Variants in DMRT1 observed in about 807,000 individuals in gnomAD.
DMRT1 encodes the protein doublesex and mab-3 related transcription factor 1, also known as doublesex- and mab-3-related transcription factor 1.
In DMRT1, 7 loss-of-function variants were observed where a neutral mutation model predicts 32.3. That is an observed-to-expected ratio of 0.22 (90% CI 0.12 to 0.41). The LOEUF is 0.41. Ranked by LOEUF, DMRT1 falls within the 10% of genes least tolerant of loss-of-function variation. The pLI is 1.00. For missense variants in DMRT1, 625 were observed against 500.5 expected (o/e 1.25, Z -2.37); for synonymous variants, 278 against 206.1 (o/e 1.35, Z -2.99).
At chr9:906,377 A>G (rs1817778880) in intron 3 of DMRT1, among the ~76,000 whole-genome samples, 1 of 152,238 alleles carries the variant, frequency 6.6e-6, no homozygotes, top group African/African-American at 2.4e-5. Context: ...ATTTATGCTA[A>G]AAGTATCCTA....
intron 2 of DMRT1, among the ~76,000 whole-genome samples, chr9:867,960 A>C (rs1343545554): frequency 6.6e-6 from 1 of 152,202 alleles, no homozygotes; most frequent in Non-Finnish European, 1.5e-5. Flanking sequence ...TGATATGTAC[A>C]ATCTCACTTA....
intron 4 of DMRT1, among the ~76,000 whole-genome samples, chr9:939,005 T>C (rs10977646): frequency 0.09 from 13,755 of 152,340 alleles, 986 homozygotes; most frequent in African/African-American, 0.2. Flanking sequence ...AGTGATCTTG[T>C]AACCCACCCC....
intron 4 of DMRT1, among the ~76,000 whole-genome samples, chr9:947,832 A>G (rs1819297629): frequency 6.6e-6 from 1 of 152,116 alleles, no homozygotes; most frequent in African/African-American, 2.4e-5. Flanking sequence ...TTATTGTACT[A>G]CTAACCATTT....
At chr9:897,278 A>T (rs546674861) in intron 3 of DMRT1, among the ~76,000 whole-genome samples, 110 of 149,682 alleles carry the variant, frequency 7.3e-4, no homozygotes, top group African/African-American at 2.3e-3. Context: ...ACGCGTGGCT[A>T]TTTTTTTTTC....
rs188455352 is a variant in DMRT1 at position 960,880 on chromosome 9, G to A, written c.968-7105G>A. On this transcript the variant is annotated intron_variant, in intron 4 of 4. Transcript: ENST00000382276. ...CAGGTGTAGACAAGGGAAGTGGAGT[G>A]GGGGAGCAGTGCTGAGAAGTGACGC... 1.7e-3 allele frequency among the ~76,000 whole-genome samples: 265 copies of A among 152,300 alleles called. 1 individual carries two copies. The highest frequency in any genetic ancestry group is 6.2e-3 in the African/African-American group (258 of 41,572).
At chr9:916,722 C>T (rs745444841) in intron 3 of DMRT1, 41 bp from the exon 4 acceptor site, 35 of 1,609,624 alleles carry the variant, frequency 2.2e-5, no homozygotes, top group Non-Finnish European at 2.8e-5. Flanking sequence ...TTGTGACATG[C>T]AATGTTGATC....
In DMRT1 at chr9:915,392, G is replaced by A. The variant is rs116366490; in HGVS notation, c.823-1371G>A. ...CTTCTTAGCTTTGAATGAGAATCAGGAAGCCACAGGGAATGAACTGCTTCT... is the reference window on the plus strand; with the variant it reads ...CTTCTTAGCTTTGAATGAGAATCAGAAAGCCACAGGGAATGAACTGCTTCT... On this transcript the variant is annotated intron_variant, in intron 3 of 4. Coordinates refer to ENST00000382276, the MANE Select transcript of DMRT1 (RefSeq NM_021951.3). Among the ~76,000 whole-genome samples the A allele has an allele frequency of 9.4e-3, 1,432 of 152,308 alleles. 22 individuals carry two copies. Among genetic ancestry groups the A allele is most frequent in the African/African-American group, 0.033 (1,380 of 41,566 alleles).
intron 4 of DMRT1, among the ~76,000 whole-genome samples, chr9:932,635 C>CAACTTCA (rs1025416773): frequency 7.2e-5 from 11 of 152,070 alleles, no homozygotes; most frequent in Non-Finnish European, 1.6e-4. Context: ...GCCCAGATGC[C>CAACTTCA]ACAGGTTAAG....
intron 4 of DMRT1, among the ~76,000 whole-genome samples, chr9:940,895 C>G (rs758024643): frequency 2.0e-5 from 3 of 152,206 alleles, no homozygotes; most frequent in Non-Finnish European, 4.4e-5. Context: ...ACAGACATTT[C>G]TCCAAAGAAG....
intron 4 of DMRT1, among the ~76,000 whole-genome samples, chr9:929,248 G>T (rs1026352120): frequency 6.6e-6 from 1 of 152,072 alleles, no homozygotes; most frequent in Non-Finnish European, 1.5e-5. Context: ...AGTGAACAAA[G>T]GATTGCAGTA....
intron 2 of DMRT1, among the ~76,000 whole-genome samples, chr9:850,927 G>A (rs867044722): frequency 1.3e-5 from 2 of 151,948 alleles, no homozygotes; most frequent in African/African-American, 4.8e-5. Context: ...TACTCGAGAG[G>A]CTGAGGCAGG....
intron 2 of DMRT1, among the ~76,000 whole-genome samples, chr9:857,770 T>C (rs1374400652): frequency 3.1e-5 from 3 of 96,448 alleles, no homozygotes; most frequent in African/African-American, 1.2e-4. Context: ...ATGCTATCCC[T>C]CCCCCCTCCC....
chr9:850,206 T>C (rs888877095), intron 2 of DMRT1, among the ~76,000 whole-genome samples: 2 of 152,182 alleles, frequency 1.3e-5, no homozygotes, highest in Non-Finnish European at 2.9e-5. Context: ...CCAGACCTCC[T>C]GAGTGAGGAT....
chr9:941,605 G>A lies in DMRT1; in HGVS notation c.967+24698G>A, dbSNP rs116478547. Among the ~76,000 whole-genome samples the A allele has an allele frequency of 2.9e-3, 447 of 152,244 alleles. 3 individuals are homozygous for A. Among genetic ancestry groups the A allele is most frequent in the African/African-American group, 9.9e-3 (413 of 41,544 alleles). ...GTTTGAGAACATAAAAAGTTCTGGA[G>A]ATGGAGGGTGGTGATGGTTACACAG... On this transcript the variant is annotated intron_variant, in intron 4 of 4. Transcript: ENST00000382276.
At chr9:952,715 T>A (rs1201957312) in intron 4 of DMRT1, among the ~76,000 whole-genome samples, 1 of 152,240 alleles carries the variant, frequency 6.6e-6, no homozygotes, top group Non-Finnish European at 1.5e-5. Context: ...AAAGATTTAA[T>A]TACAGTCTTC....
At chr9:842,485 C>T (rs1838730641) in intron 1 of DMRT1, 3 of 401,776 alleles carry the variant, frequency 7.5e-6, no homozygotes, top group Non-Finnish European at 1.3e-5. Flanking sequence ...ATCCACCCGC[C>T]TCGGCCTCCC....
intron 4 of DMRT1, among the ~76,000 whole-genome samples, chr9:967,766 G>C (rs1017213909): frequency 1.3e-5 from 2 of 152,216 alleles, no homozygotes; most frequent in South Asian, 4.2e-4. Context: ...TACTCCTTTC[G>C]TTAAATAGGT....
rs377224622 is a variant in DMRT1, at chr9:938,247, G to A, written c.967+21340G>A. ...TGTTCTTTCTTTTCAGGTTATGTTG[G>A]CTATTTGATGTGCCTTGGAATTCCA... On this transcript the variant is annotated intron_variant, in intron 4 of 4. Transcript: ENST00000382276. 7.2e-5 allele frequency among the ~76,000 whole-genome samples: 11 copies of A among 152,176 alleles called. 1 individual carries two copies. Among genetic ancestry groups the A allele is most frequent in the African/African-American group, 2.6e-4 (11 of 41,512 alleles).
chr9:928,603 C>CGAA (rs1818605672), intron 4 of DMRT1, among the ~76,000 whole-genome samples: 1 of 152,144 alleles, frequency 6.6e-6, no homozygotes. Flanking sequence ...AGAAGCTTTC[C>CGAA]ATTGGCTTTG....
Sources: allele counts gnomAD v4.1 joint callset (sites outside exome capture counted in the v4.1 genomes callset), GRCh38; gene constraint gnomAD v4.1.1; transcripts MANE v1.5; gene names NCBI Gene and HGNC (gene_info 2026-07-23, HGNC 2026-07-21).